The following DTNB variants were observed in gnomAD, a reference collection of about 807,000 sequenced individuals.
DTNB encodes DTN-B.
A neutral mutation model predicts 90.7 loss-of-function variants in DTNB; 63 were observed. The observed-to-expected ratio is 0.69, with a 90% CI of 0.57 to 0.86. The LOEUF (loss-of-function observed/expected upper bound fraction) is 0.86. Among genes scored for constraint, DTNB ranks in the 40% least tolerant of loss-of-function variants. The probability of loss-of-function intolerance (pLI) is 0.00; values close to 1 mark genes in which losing one functional copy is unlikely to be tolerated. For missense variants in DTNB, 744 were observed against 807.1 expected (o/e 0.92, Z 0.95); for synonymous variants, 277 against 286.7 (o/e 0.97, Z 0.34).
chr2:25,379,197 C>T, intron 20 of DTNB, 93 bp downstream of exon 20: 2 of 1,229,640 alleles, frequency 1.6e-6, no homozygotes, highest in South Asian at 3.0e-5. Flanking sequence ...ACTGCCCTGG[C>T]TAGGGACCTG....
At chr2:25,557,982 T>C (rs536240326) in intron 8 of DTNB, among the ~76,000 whole-genome samples, 19 of 152,160 alleles carry the variant, frequency 1.2e-4, no homozygotes, top group Non-Finnish European at 2.4e-4. Context: ...AACTAAGAAC[T>C]GCAGAAATTT....
At chr2:25,430,574 G>C (rs1226068745) in intron 14 of DTNB, among the ~76,000 whole-genome samples, 2 of 152,106 alleles carry the variant, frequency 1.3e-5, no homozygotes, top group Non-Finnish European at 2.9e-5. Flanking sequence ...CACCATATTA[G>C]TATAATATTT....
At chr2:25,590,145 G>T (rs537320384) in intron 6 of DTNB, among the ~76,000 whole-genome samples, 1 of 152,352 alleles carries the variant, frequency 6.6e-6, no homozygotes, top group Admixed American at 6.5e-5. Context: ...CCCAAGGAGG[G>T]TATTACAGCC....
At chr2:25,630,897 A>G (rs1332284834) in intron 3 of DTNB, among the ~76,000 whole-genome samples, 1 of 151,660 alleles carries the variant, frequency 6.6e-6, no homozygotes, top group Non-Finnish European at 1.5e-5. Context: ...ATTCTGCAAT[A>G]TGGATAAACC....
chr2:25,458,849 G>A (rs1309455541), intron 10 of DTNB, among the ~76,000 whole-genome samples: 3 of 152,060 alleles, frequency 2.0e-5, no homozygotes, highest in Non-Finnish European at 4.4e-5. Flanking sequence ...GTTTCACCGT[G>A]TTAGCCAGGA....
At chr2:25,554,704 T>G (rs539085919) in intron 8 of DTNB, among the ~76,000 whole-genome samples, 1 of 152,288 alleles carries the variant, frequency 6.6e-6, no homozygotes, top group African/African-American at 2.4e-5. Context: ...GGATTCTATA[T>G]GGCACTGAAA....
intron 10 of DTNB, among the ~76,000 whole-genome samples, chr2:25,465,245 G>A (rs982589068): frequency 7.9e-5 from 12 of 151,900 alleles, no homozygotes; most frequent in Non-Finnish European, 1.6e-4. Flanking sequence ...GCGTGGTGGC[G>A]GGCGCCTGTA....
intron 10 of DTNB, among the ~76,000 whole-genome samples, chr2:25,473,780 A>G (rs947165260): frequency 1.3e-5 from 2 of 152,226 alleles, no homozygotes; most frequent in Non-Finnish European, 2.9e-5. Context: ...GAGAAATCTG[A>G]AAACGATCCT....
At chr2:25,630,433 T>C (rs1158701428) in intron 3 of DTNB, among the ~76,000 whole-genome samples, 1 of 152,198 alleles carries the variant, frequency 6.6e-6, no homozygotes, top group South Asian at 2.1e-4. Context: ...TGTTCATAGG[T>C]GCATTATTCA....
intron 15 of DTNB, among the ~76,000 whole-genome samples, chr2:25,423,194 C>T (rs908639279): frequency 1.2e-4 from 18 of 147,894 alleles, no homozygotes; most frequent in African/African-American, 3.9e-4. Context: ...GAGACTCCAT[C>T]TCAGACAAAA....
chr2:25,482,927 G>A, intron 9 of DTNB, 54 bp from the exon 10 acceptor site: 1 of 1,514,282 alleles, frequency 6.6e-7, no homozygotes, highest in Non-Finnish European at 8.9e-7. Context: ...GGGGAAACAA[G>A]GGAAACGACG....
intron 5 of DTNB, among the ~76,000 whole-genome samples, chr2:25,605,568 C>T (rs1420183860): frequency 6.6e-6 from 1 of 152,156 alleles, no homozygotes; most frequent in African/African-American, 2.4e-5. Context: ...TAAGTATTTA[C>T]CATATGCCAG....
At chr2:25,469,735 C>T (rs1286592803) in intron 10 of DTNB, among the ~76,000 whole-genome samples, 1 of 152,132 alleles carries the variant, frequency 6.6e-6, no homozygotes, top group African/African-American at 2.4e-5. Flanking sequence ...AGCCACTGCG[C>T]CCAGTCCCAA....
At chr2:25,577,798 C>T (rs754734796) in intron 7 of DTNB, among the ~76,000 whole-genome samples, 71 of 152,156 alleles carry the variant, frequency 4.7e-4, no homozygotes, top group South Asian at 1.5e-3. Flanking sequence ...GTCAGGAGTT[C>T]GAGACCAGCC....
chr2:25,409,630 T>C (rs1164458745), intron 16 of DTNB, among the ~76,000 whole-genome samples: 5 of 152,234 alleles, frequency 3.3e-5, no homozygotes, highest in Admixed American at 3.3e-4. Context: ...GAACATTTTC[T>C]TTCCTAAGTT....
intron 2 of DTNB, among the ~76,000 whole-genome samples, chr2:25,643,444 T>C (rs1279462425): frequency 1.3e-5 from 2 of 152,242 alleles, no homozygotes; most frequent in Non-Finnish European, 2.9e-5. Context: ...AACTAGCACC[T>C]GAAATAGTTA....
chr2:25,439,069 T>C (rs945951169), intron 12 of DTNB, among the ~76,000 whole-genome samples: 1 of 152,218 alleles, frequency 6.6e-6, no homozygotes, highest in Non-Finnish European at 1.5e-5. Context: ...CTAAATGTAA[T>C]GTATCCTGGA....
At chr2:25,553,051 G>A (rs1333772863) in intron 8 of DTNB, among the ~76,000 whole-genome samples, 3 of 150,830 alleles carry the variant, frequency 2.0e-5, no homozygotes, top group Non-Finnish European at 3.0e-5. Context: ...TAGTAGAGAC[G>A]GGGTTTCACC....
intron 9 of DTNB, among the ~76,000 whole-genome samples, chr2:25,492,439 T>C (rs1479042064): frequency 6.6e-6 from 1 of 152,220 alleles, no homozygotes; most frequent in Non-Finnish European, 1.5e-5. Context: ...TTATGACTCA[T>C]TTTGGCTTTC....
Sources: allele counts gnomAD v4.1 joint callset (sites outside exome capture counted in the v4.1 genomes callset), GRCh38; gene constraint gnomAD v4.1.1; transcripts MANE v1.5; gene names NCBI Gene and HGNC (gene_info 2026-07-23, HGNC 2026-07-21).